SREK1: variants seen among roughly 807,000 people sequenced by gnomAD.
SREK1 encodes the protein splicing regulatory glutamic acid and lysine rich protein 1.
Under a neutral mutation model 66.5 loss-of-function variants are expected in SREK1, and 13 were observed. The ratio of observed to expected loss-of-function variants is 0.20; its 90% confidence interval spans 0.13 to 0.31. The LOEUF is 0.31. SREK1 is among the 10% of genes least tolerant of loss of function. The pLI is 1.00. For synonymous variants in SREK1, 265 were observed against 263.5 expected (o/e 1.01, Z -0.05); for missense variants, 607 against 769.6 (o/e 0.79, Z 2.50).
chr5:66,145,823 A>T, intron 1 of SREK1, among the ~76,000 whole-genome samples: 1 of 149,454 alleles, frequency 6.7e-6, no homozygotes, highest in Admixed American at 6.7e-5. Context: ...ATGCCAAGTA[A>T]TCCATGTATT....
Position 66,179,511 on chromosome 5 carries a change from T to A in SREK1, c.*643T>A, listed in dbSNP as rs1455762673. 1 of 152,558 alleles carries A rather than the reference T, an allele frequency of 6.6e-6. No individual in the cohort carries two copies. The highest frequency in any genetic ancestry group is 1.9e-4 in the East Asian group (1 of 5,204). The allele number at this position is 152,558 out of a possible 1,614,324, so 9.5% of individuals were successfully genotyped here. On this transcript the variant is annotated 3_prime_UTR_variant, in exon 12 of 12. Coordinates refer to ENST00000334121, the MANE Select transcript of SREK1 (RefSeq NM_001077199.3). ...GGATTAAAAAACTGACAATGCATGCTACTGTTCTCTTTCAAAAGGAAGAGC... is the reference window on the plus strand; with the variant it reads ...GGATTAAAAAACTGACAATGCATGCAACTGTTCTCTTTCAAAAGGAAGAGC...
At chr5:66,167,804 CAA>C (rs1312064803) in intron 7 of SREK1, 2 of 152,024 alleles carry the variant, frequency 1.3e-5, no homozygotes, top group African/African-American at 4.8e-5. Flanking sequence ...TTGAGGAAAA[CAA>C]AAGAATTATA....
At chr5:66,164,402 T>TA (rs1359564552) in intron 6 of SREK1, 3 of 370,056 alleles carry the variant, frequency 8.1e-6, no homozygotes, top group Non-Finnish European at 1.4e-5. Flanking sequence ...AAACCCATTC[T>TA]AAAAACATCT....
chr5:66,145,075 C>T (rs1351121327), intron 1 of SREK1: 11 of 985,768 alleles, frequency 1.1e-5, no homozygotes, highest in Non-Finnish European at 1.3e-5. Context: ...TTTGGTTTAT[C>T]TAACCGAGCG....
chr5:66,178,411 T>C (rs1746243224), intron 11 of SREK1, among the ~76,000 whole-genome samples: 1 of 152,022 alleles, frequency 6.6e-6, no homozygotes, highest in African/African-American at 2.4e-5. Context: ...CCTGGCATCC[T>C]TGGAAATTAT....
intron 5 of SREK1, 163 bp downstream of exon 5, chr5:66,162,755 G>T: frequency 3.4e-6 from 2 of 581,950 alleles, no homozygotes; most frequent in Non-Finnish European, 5.6e-6. Context: ...TACCATTTTA[G>T]TCTTTAAATT....
intron 1 of SREK1, among the ~76,000 whole-genome samples, chr5:66,149,773 T>C (rs1445428288): frequency 3.9e-5 from 6 of 152,238 alleles, no homozygotes; most frequent in Admixed American, 3.3e-4. Flanking sequence ...TAATCACAGA[T>C]TGTTTTTGGT....
chr5:66,168,182 A>G (rs1003917629), intron 7 of SREK1: 1 of 152,178 alleles, frequency 6.6e-6, no homozygotes, highest in African/African-American at 2.4e-5. Context: ...GCCAAATAGT[A>G]GATGAGTAGT....
At chr5:66,156,899 G>A in intron 2 of SREK1, 1 of 907,438 alleles carries the variant, frequency 1.1e-6, no homozygotes, top group Non-Finnish European at 1.3e-6. Flanking sequence ...CTGAGATTAG[G>A]ACTATAATAC....
intron 9 of SREK1, among the ~76,000 whole-genome samples, chr5:66,174,262 TAAC>T (rs1745880244): frequency 6.6e-6 from 1 of 152,218 alleles, no homozygotes; most frequent in South Asian, 2.1e-4. Flanking sequence ...TTAATAATAA[TAAC>T]GTAATCTATT....
chr5:66,172,672 A>G (rs559744080), intron 9 of SREK1, among the ~76,000 whole-genome samples: 3 of 152,292 alleles, frequency 2.0e-5, no homozygotes, highest in African/African-American at 7.2e-5. Flanking sequence ...CTGGGATTAC[A>G]GGCATCAGTC....
chr5:66,153,732 A>G, intron 2 of SREK1, 136 bp downstream of exon 2: 8 of 1,095,828 alleles, frequency 7.3e-6, no homozygotes, highest in Non-Finnish European at 1.1e-5. Flanking sequence ...GGAGGAGGTA[A>G]ACCTTTTTAC....
At chr5:66,147,219 G>T (rs911350488) in intron 1 of SREK1, among the ~76,000 whole-genome samples, 7 of 152,166 alleles carry the variant, frequency 4.6e-5, no homozygotes, top group Non-Finnish European at 1.0e-4. Flanking sequence ...TAAGCATTAA[G>T]AATTCTTATT....
rs904148169 is a variant in SREK1 at position 66,179,731 on chromosome 5, G to A, written c.*863G>A. ...AAAGGAAACTGGCTTTTCAAAATGGGCTATGGGAGCACAAGCTGAAGCTTT... is the reference window on the plus strand; with the variant it reads ...AAAGGAAACTGGCTTTTCAAAATGGACTATGGGAGCACAAGCTGAAGCTTT... On this transcript the variant is annotated 3_prime_UTR_variant, in exon 12 of 12. Coordinates refer to ENST00000334121, the MANE Select transcript of SREK1 (RefSeq NM_001077199.3). The A allele has an allele frequency of 1.3e-5, 2 of 152,504 alleles. No homozygotes were observed. The allele number at this position is 152,504 out of a possible 1,614,324, so 9.4% of individuals were successfully genotyped here.
chr5:66,176,015 A>G (rs1457476770), intron 10 of SREK1, among the ~76,000 whole-genome samples: 2 of 152,102 alleles, frequency 1.3e-5, no homozygotes, highest in South Asian at 2.1e-4. Context: ...TCCTATTCCA[A>G]GATTATGATA....
At chr5:66,159,481 T>A (rs1682838761) in intron 3 of SREK1, 147 bp downstream of exon 3, 1 of 637,122 alleles carries the variant, frequency 1.6e-6, no homozygotes, top group African/African-American at 1.9e-5. Context: ...TAAACTTTTT[T>A]TTTCACTTTA....
intron 2 of SREK1, chr5:66,156,358 G>T: frequency 1.6e-6 from 2 of 1,238,140 alleles, no homozygotes; most frequent in South Asian, 5.7e-5. Flanking sequence ...TTCATTAAGG[G>T]TTCATAACGT....
chr5:66,170,207 C>T, intron 8 of SREK1, 37 bp downstream of exon 8: 8 of 1,592,502 alleles, frequency 5.0e-6, no homozygotes, highest in Non-Finnish European at 6.8e-6. Context: ...TTTTTTTTTC[C>T]TCAGAGTTCT....
At chr5:66,153,843 A>G in intron 2 of SREK1, 1 of 419,910 alleles carries the variant, frequency 2.4e-6, no homozygotes, top group South Asian at 3.9e-5. Context: ...TCTGTAGTCA[A>G]TTTGCAGATT....
Sources: gnomAD v4.1 joint callset for allele counts (sites outside exome capture counted in the v4.1 genomes callset) on GRCh38, gnomAD v4.1.1 for gene constraint, MANE v1.5 for transcripts, NCBI Gene and HGNC (gene_info 2026-07-23, HGNC 2026-07-21) for gene names.